FER1L5: variants seen among roughly 807,000 people sequenced by gnomAD.
FER1L5 encodes the protein fer-1 like family member 5.
Under a neutral mutation model 279.9 loss-of-function variants are expected in FER1L5, and 187 were observed. That is an observed-to-expected ratio of 0.67 (90% CI 0.59 to 0.75). FER1L5 has a LOEUF of 0.75. FER1L5 is among the 30% of genes least tolerant of loss of function. FER1L5 has a pLI of 0.00. For missense variants in FER1L5, 2,091 were observed against 2,594.4 expected, an observed-to-expected ratio of 0.81 and a Z score of 4.21; for synonymous variants, 921 against 989.7, an observed-to-expected ratio of 0.93 and a Z score of 1.30.
At chr2:96,699,279 C>T in intron 42 of FER1L5, 143 bp downstream of exon 42, 2 of 915,160 alleles carry the variant, frequency 2.2e-6, no homozygotes, top group Non-Finnish European at 3.3e-6. Flanking sequence ...TGGTGCTCAA[C>T]AGATAGAAGA....
chr2:96,693,679 G>T lies in FER1L5; in HGVS notation c.3466G>T (p.Asp1156Tyr). The T allele has an allele frequency of 6.4e-7, 1 of 1,551,348 alleles. No homozygotes were observed. The highest frequency in any genetic ancestry group is 1.2e-5 in the South Asian group (1 of 83,978). Residue 1156 changes from aspartate (D) to tyrosine (Y), a missense_variant, in exon 32 of 53, where the codon GAC becomes TAC. Coordinates refer to ENST00000624922, the MANE Select transcript of FER1L5 (RefSeq NM_001293083.2). ...TGTGGTGCTGGAGCTGTGGCAGCGT[G>T]ACTTCTGGGTAAGTTGGGCTGGGCA... ...PLVVLELWQR[D>Y]FWGKESLWGR...
chr2:96,644,174 C>CAA (rs533711497), intron 1 of FER1L5, among the ~76,000 whole-genome samples: 890 of 87,986 alleles, frequency 0.01, 15 homozygotes, highest in African/African-American at 0.038. Context: ...GAGGTGCCTT[C>CAA]AAAAAAAAAA....
intron 51 of FER1L5, among the ~76,000 whole-genome samples, chr2:96,703,865 G>A (rs967666664): frequency 3.4e-5 from 5 of 147,510 alleles, no homozygotes; most frequent in Admixed American, 2.1e-4. Flanking sequence ...ACCCAGGCTG[G>A]AGTGTGGTGG....
At chr2:96,690,622 A>G in intron 27 of FER1L5, 33 bp downstream of exon 27, 1 of 1,529,830 alleles carries the variant, frequency 6.5e-7, no homozygotes, top group Non-Finnish European at 8.9e-7. Flanking sequence ...GGATCGGGAG[A>G]GACCAGGGCC....
At chr2:96,653,330 AT>A (rs779404145) in intron 7 of FER1L5, 22 of 331,676 alleles carry the variant, frequency 6.6e-5, no homozygotes, top group East Asian at 1.8e-4. Context: ...TGGATTTCAG[AT>A]TTTTTTTGGG....
chr2:96,659,002 G>T (rs542084475), intron 9 of FER1L5, among the ~76,000 whole-genome samples: 1 of 152,026 alleles, frequency 6.6e-6, no homozygotes, highest in Non-Finnish European at 1.5e-5. Context: ...CTGGAGTGCA[G>T]TGGTGTGATC....
Position 96,698,842 on chromosome 2 carries a change from A to G in FER1L5, c.4518+10A>G, listed in dbSNP as rs1425457502. ...GGACTACAATGGCCTGGTAAAGAAC[A>G]GTACCTGCCCCACACAGGTGCCCCG... On this transcript the variant is annotated intron_variant, in intron 41 of 52. Transcript: ENST00000624922. The surrounding 1 kb of genome is among the most constrained non-coding windows in gnomAD (Gnocchi z 5.5). 1 of 1,557,870 alleles carries G rather than the reference A, an allele frequency of 6.4e-7. No individual in the cohort carries two copies. Among genetic ancestry groups the G allele is most frequent in the Non-Finnish European group, 8.7e-7 (1 of 1,150,800 alleles).
rs1258339527 is a variant in FER1L5, at chr2:96,650,200, A to G, written c.415A>G (p.Ile139Val). Reference protein sequence around the residue: ...EKTGAEDHLGITAREAASQKL... With the variant: ...EKTGAEDHLGVTAREAASQKL... ...CCCAGGAGCTGAAGACCACCTGGGC[A>G]TAACGGCAAGAGAGGCAGCCAGTCA... The change falls in exon 6 of 53, where the codon ATA becomes GTA. Residue 139 changes from isoleucine (I) to valine (V), a missense_variant. Ile to Val is a conservative substitution (Grantham distance 29). Transcript: ENST00000624922. The G allele has an allele frequency of 1.3e-6, 2 of 1,551,768 alleles. No individual in the cohort carries two copies. The highest frequency in any genetic ancestry group is 1.7e-6 in the Non-Finnish European group (2 of 1,147,002).
At chr2:96,649,498 A>G (rs2075277785) in intron 4 of FER1L5, 125 bp from the exon 5 acceptor site, 1 of 851,308 alleles carries the variant, frequency 1.2e-6, no homozygotes, top group African/African-American at 1.7e-5. Flanking sequence ...GCCCCATCCC[A>G]TGACTAGCAT....
At chr2:96,646,727 G>A (rs1187576438) in intron 2 of FER1L5, among the ~76,000 whole-genome samples, 2 of 152,194 alleles carry the variant, frequency 1.3e-5, no homozygotes, top group African/African-American at 2.4e-5. Flanking sequence ...CCATCTTGAT[G>A]TTCCTAGAAG....
rs2077718618 is a variant in FER1L5 at position 96,704,615 on chromosome 2, C to T, written c.6097C>T (p.His2033Tyr). ...QDPNLKPTIDHEWKLHPGPTN... is the reference protein window; with the variant it reads ...QDPNLKPTIDYEWKLHPGPTN... ...TCCAAACCTAAAGCCTACAATAGAC[C>T]ATGAGTGGAAACTCCACCCAGGACC... Residue 2033 changes from histidine to tyrosine, a missense_variant, in exon 53 of 53, where the codon CAT becomes TAT. Physicochemically the swap from His to Tyr is moderately conservative, Grantham distance 83. Transcript: ENST00000624922. 6.2e-7 allele frequency: 1 copy of T among 1,614,006 alleles called. No homozygotes were observed.
At chr2:96,683,361 CTGCTCTCGCACAG>C (rs935673393) in intron 19 of FER1L5, among the ~76,000 whole-genome samples, 1 of 152,118 alleles carries the variant, frequency 6.6e-6, no homozygotes, top group Non-Finnish European at 1.5e-5. Context: ...CATCCTGCCT[CTGCTCTCGCACAG>C]TGTCTCCCTG....
chr2:96,699,465 G>A (rs1157720212), intron 42 of FER1L5, 85 bp from the exon 43 acceptor site: 2 of 1,433,688 alleles, frequency 1.4e-6, no homozygotes, highest in Non-Finnish European at 1.9e-6. Flanking sequence ...CAAACAAGGG[G>A]CCTACGGGGC....
chr2:96,698,199 A>C lies in FER1L5; in HGVS notation c.4356+43A>C, dbSNP rs1330622865. 6.5e-7 allele frequency: 1 copy of C among 1,533,238 alleles called. No individual in the cohort carries two copies. Among genetic ancestry groups the C allele is most frequent in the Non-Finnish European group, 8.8e-7 (1 of 1,136,286 alleles). 95.0% of individuals were successfully genotyped at this position (1,533,238 alleles called of 1,614,324 possible). A position where few individuals can be genotyped will look rare whatever the true frequency, so the allele number is the denominator to read the frequency against. On this transcript the variant is annotated intron_variant, in intron 40 of 52. Coordinates refer to ENST00000624922, the MANE Select transcript of FER1L5 (RefSeq NM_001293083.2). The surrounding 1 kb of genome is among the most constrained non-coding windows in gnomAD (Gnocchi z 5.5). ...CTTAGCTGCCCCTGTCTCCTTGTGC[A>C]CCTTCTGTCCCTGGAAAACGAATAA...
At chr2:96,656,305 C>T (rs1206218309) in intron 9 of FER1L5, among the ~76,000 whole-genome samples, 1 of 152,150 alleles carries the variant, frequency 6.6e-6, no homozygotes, top group African/African-American at 2.4e-5. Flanking sequence ...GTTCAAATTC[C>T]CCTAATTGTT....
Position 96,698,286 on chromosome 2 carries a change from G to A in FER1L5, c.4356+130G>A. On this transcript the variant is annotated intron_variant, in intron 40 of 52. Coordinates refer to ENST00000624922, the MANE Select transcript of FER1L5 (RefSeq NM_001293083.2). This position sits in a 1 kb window ranked among gnomAD's most constrained non-coding sequence, Gnocchi z 5.5. ...CAGGGCTTGAGAACGTTCTGGGAGT[G>A]GAGGAGCAGAGATTCGCCTCCACAG... 13 of 1,356,368 alleles carry A rather than the reference G, an allele frequency of 9.6e-6. No individual in the cohort carries two copies. Among genetic ancestry groups the A allele is most frequent in the South Asian group, 1.5e-5 (1 of 66,030 alleles). 84.0% of individuals were successfully genotyped at this position (1,356,368 alleles called of 1,614,324 possible). A position where few individuals can be genotyped will look rare whatever the true frequency, so the allele number is the denominator to read the frequency against.
At chr2:96,677,444 T>C (rs949283275) in intron 19 of FER1L5, among the ~76,000 whole-genome samples, 2 of 152,252 alleles carry the variant, frequency 1.3e-5, no homozygotes, top group Middle Eastern at 3.2e-3. Context: ...GGTTTATCCA[T>C]GATGCAGTGT....
chr2:96,659,417 CT>C (rs1558854252), intron 9 of FER1L5, among the ~76,000 whole-genome samples: 84 of 7,214 alleles, frequency 0.012, 4 homozygotes, highest in Non-Finnish European at 0.014. Flanking sequence ...TTCTTTCTTT[CT>C]TTCTTTCTTT....
chr2:96,691,109 A>C lies in FER1L5; in HGVS notation c.2744-81A>C, dbSNP rs1415061195. ...GATGTGAGGGAAGTAATGCCCCTCT[A>C]GGGCCTGTCTCCCGGGTTTGTCCAG... On this transcript the variant is annotated intron_variant, in intron 27 of 52. Transcript: ENST00000624922. The surrounding 1 kb of genome is among the most constrained non-coding windows in gnomAD (Gnocchi z 6.0). The C allele has an allele frequency of 1.4e-6, 2 of 1,450,860 alleles. No individual in the cohort carries two copies. Among genetic ancestry groups the C allele is most frequent in the Non-Finnish European group, 9.2e-7 (1 of 1,089,310 alleles). 89.9% of individuals were successfully genotyped at this position (1,450,860 alleles called of 1,614,324 possible).
Sources: allele counts gnomAD v4.1 joint callset (sites outside exome capture counted in the v4.1 genomes callset), GRCh38; gene constraint gnomAD v4.1.1; non-coding constraint Gnocchi (gnomAD v3.1); transcripts MANE v1.5; gene names NCBI Gene and HGNC (gene_info 2026-07-23, HGNC 2026-07-21).